PDCD11: variants seen among roughly 807,000 people sequenced by gnomAD.
PDCD11 encodes the protein protein RRP5 homolog.
A neutral mutation model predicts 198.9 loss-of-function variants in PDCD11; 97 were observed. The ratio of observed to expected loss-of-function variants is 0.49; its 90% confidence interval spans 0.41 to 0.58. The LOEUF (loss-of-function observed/expected upper bound fraction) is 0.58. Ranked by LOEUF, PDCD11 falls within the 20% of genes least tolerant of loss-of-function variation. The probability of loss-of-function intolerance (pLI) is 0.00; values close to 1 mark genes in which losing one functional copy is unlikely to be tolerated. For missense variants in PDCD11, 2,102 were observed against 2,312.7 expected (o/e 0.91, Z 1.87); for synonymous variants, 893 against 918.0 (o/e 0.97, Z 0.49).
chr10:103,444,377 G>T, intron 34 of PDCD11, 140 bp from the exon 35 acceptor site: 1 of 798,434 alleles, frequency 1.3e-6, no homozygotes, highest in East Asian at 2.6e-5. Flanking sequence ...CACCCCTTTT[G>T]GGTCTTTGTC....
intron 29 of PDCD11, 69 bp from the exon 30 acceptor site, chr10:103,440,665 G>C: frequency 8.1e-6 from 13 of 1,612,690 alleles, no homozygotes; most frequent in Non-Finnish European, 1.0e-5. Flanking sequence ...CACCCAGTGG[G>C]GCCGAGGGAG....
chr10:103,440,851 G>A lies in PDCD11; in HGVS notation c.4557+1G>A, dbSNP rs375869261. 2.5e-6 allele frequency: 4 copies of A among 1,603,916 alleles called. No homozygotes were observed. The highest frequency in any genetic ancestry group is 3.4e-6 in the Non-Finnish European group (4 of 1,173,272). On this transcript the variant is annotated splice_donor_variant, in intron 30 of 35. Coordinates refer to ENST00000369797, the MANE Select transcript of PDCD11 (RefSeq NM_014976.2). LOFTEE classifies it high-confidence loss of function. ...AGAAGAGACGAATGTGCTGCCCAAG[G>A]TGAGGGTGACGTCGCGGGGAGGGGA...
intron 1 of PDCD11, among the ~76,000 whole-genome samples, chr10:103,397,040 C>T (rs753794988): frequency 1.3e-5 from 2 of 152,076 alleles, no homozygotes; most frequent in African/African-American, 2.4e-5. Context: ...GAATCATATA[C>T]CCATCCCTGA....
rs185361732 is a variant in PDCD11, at chr10:103,435,003, C to T, written c.3845+28C>T. On this transcript the variant is annotated intron_variant, in intron 25 of 35. Coordinates refer to ENST00000369797, the MANE Select transcript of PDCD11 (RefSeq NM_014976.2). ...AAGCGAAGTGTTCTTCCTCTTTTCA[C>T]CTGTCTGTGGAATTGGTATATTTAA... 4 of 1,437,198 alleles carry T rather than the reference C, an allele frequency of 2.8e-6. No individual in the cohort carries two copies. The African/African-American group carries it at 4.4e-5, about 16-fold the overall frequency. The allele number at this position is 1,437,198 out of a possible 1,614,324, so 89.0% of individuals were successfully genotyped here.
intron 21 of PDCD11, among the ~76,000 whole-genome samples, chr10:103,430,601 A>G (rs1011581924): frequency 1.2e-4 from 17 of 136,760 alleles, no homozygotes; most frequent in East Asian, 2.1e-4. Flanking sequence ...AAAGGTTTCT[A>G]TTTCTCTACA....
In PDCD11 at chr10:103,434,956, G is replaced by T; in HGVS notation, c.3826G>T (p.Val1276Phe). The T allele has an allele frequency of 6.4e-7, 1 of 1,574,630 alleles. No homozygotes were observed. The highest frequency in any genetic ancestry group is 8.6e-7 in the Non-Finnish European group (1 of 1,159,656). ...CTCCGAGACGCCCCTGGAAGACTTC[G>T]TCCCCCAGAAGGTTGTCAGGTAAGC... ...SYSETPLEDFVPQKVVRCYIL... is the reference protein window; with the variant it reads ...SYSETPLEDFFPQKVVRCYIL... The change falls in exon 25 of 36, where the codon GTC (valine) becomes TTC (phenylalanine). Residue 1276 changes from valine to phenylalanine, a missense_variant. Physicochemically the swap from Val to Phe is conservative, Grantham distance 50. Coordinates refer to ENST00000369797, the MANE Select transcript of PDCD11 (RefSeq NM_014976.2).
intron 12 of PDCD11, 60 bp from the exon 13 acceptor site, chr10:103,416,431 C>T: frequency 6.3e-7 from 1 of 1,581,520 alleles, no homozygotes; most frequent in Non-Finnish European, 8.6e-7. Flanking sequence ...GTTGCAGAGA[C>T]CAGCTCAGTG....
At chr10:103,401,481 G>C (rs2030056031) in intron 3 of PDCD11, among the ~76,000 whole-genome samples, 1 of 152,094 alleles carries the variant, frequency 6.6e-6, no homozygotes, top group African/African-American at 2.4e-5. Context: ...ATGTTGGTCA[G>C]GCTGGTCTGG....
At chr10:103,409,086 T>A (rs2030637152) in intron 7 of PDCD11, among the ~76,000 whole-genome samples, 1 of 152,218 alleles carries the variant, frequency 6.6e-6, no homozygotes, top group African/African-American at 2.4e-5. Context: ...TAGAATTTAA[T>A]TGACATTTTC....
Position 103,416,604 on chromosome 10 carries a change from G to A in PDCD11, c.1632G>A (p.Gln544=). The A allele has an allele frequency of 6.2e-7, 1 of 1,614,198 alleles. No homozygotes were observed. The highest frequency in any genetic ancestry group is 8.5e-7 in the Non-Finnish European group (1 of 1,180,042). Residue 544 remains glutamine (Q), a synonymous_variant, in exon 13 of 36, where the codon CAG becomes CAA. Transcript: ENST00000369797. ...ATGCCGATGCCAAGCCTGGTCTGCA[G>A]ACACATGGCTTCATCATCAGGGTCA... ...TCYADAKPGL[Q]THGFIIRVKD...
In PDCD11 at chr10:103,431,219, G is replaced by A. The variant is rs574211808; in HGVS notation, c.3369-910G>A. Among the ~76,000 whole-genome samples the A allele has an allele frequency of 5.3e-5, 8 of 152,298 alleles. No individual in the cohort carries two copies. The South Asian group carries it at 1.7e-3, about 32-fold the overall frequency. ...TTTGAATTGGTAAGTAGGGGTGGCA[G>A]TTTTGTGATTCCTTTGAGGTGATTG... On this transcript the variant is annotated intron_variant, in intron 21 of 35. Transcript: ENST00000369797.
chr10:103,414,455 C>T, intron 11 of PDCD11, 125 bp downstream of exon 11: 1 of 665,266 alleles, frequency 1.5e-6, no homozygotes, highest in Non-Finnish European at 2.6e-6. Flanking sequence ...CTTGCTTCTG[C>T]CTGCTGACTA....
rs2031645243 is a variant in PDCD11, at chr10:103,425,367, C to T, written c.3147C>T (p.Thr1049=). ...VTGTVKSIKP[T]HVVVTLEDGI... Reference sequence around the variant, plus strand: ...GGACTGTCAAGTCCATTAAGCCTACCCATGTGGTTGTGACTCTGGAAGATG... The same window carrying T: ...GGACTGTCAAGTCCATTAAGCCTACTCATGTGGTTGTGACTCTGGAAGATG... Residue 1049 remains threonine (T), a synonymous_variant, in exon 20 of 36, where the codon ACC becomes ACT. Coordinates refer to ENST00000369797, the MANE Select transcript of PDCD11 (RefSeq NM_014976.2). 1 of 1,614,174 alleles carries T rather than the reference C, an allele frequency of 6.2e-7. No homozygotes were observed. The highest frequency in any genetic ancestry group is 8.5e-7 in the Non-Finnish European group (1 of 1,180,038).
chr10:103,431,967 T>C (rs1387750283), intron 21 of PDCD11, among the ~76,000 whole-genome samples, 162 bp from the exon 22 acceptor site: 1 of 150,420 alleles, frequency 6.6e-6, no homozygotes, highest in Non-Finnish European at 1.5e-5. Context: ...CTCGGGCCAG[T>C]ATTGTGGACA....
rs780651580 is a variant in PDCD11, at chr10:103,403,255, T to C, written c.372T>C (p.Asn124=). 1 of 1,614,134 alleles carries C rather than the reference T, an allele frequency of 6.2e-7. No homozygotes were observed. Among genetic ancestry groups the C allele is most frequent in the Non-Finnish European group, 8.5e-7 (1 of 1,180,012 alleles). The change falls in exon 4 of 36, where the codon AAT becomes AAC. Residue 124 remains asparagine (N), a synonymous_variant. Transcript: ENST00000369797. ...EICDAYTKKL[N]EQVTQEQPLK... ...GTGATGCCTACACCAAAAAGCTGAA[T>C]GAGCAGGTGACACAAGAACAACCTC...
intron 8 of PDCD11, among the ~76,000 whole-genome samples, chr10:103,410,471 A>ATT (rs2030729742): frequency 6.6e-6 from 1 of 152,140 alleles, no homozygotes; most frequent in South Asian, 2.1e-4. Context: ...GCAAAAGGTG[A>ATT]TTTTAAAAGT....
rs867675860 is a variant in PDCD11, at chr10:103,432,145, C to A, written c.3385C>A (p.His1129Asn). The change falls in exon 22 of 36, where the codon CAC (histidine) becomes AAC (asparagine). Residue 1129 changes from histidine to asparagine, a missense_variant. Coordinates refer to ENST00000369797, the MANE Select transcript of PDCD11 (RefSeq NM_014976.2). ...TGCAAACAGTGAGCTGGAGGATGGC[C>A]ACACTGCTCTTAACACTCACTCTGT... ...SVRPSELEDG[H>N]TALNTHSVSP... The A allele has an allele frequency of 6.2e-7, 1 of 1,613,392 alleles. No homozygotes were observed. Among genetic ancestry groups the A allele is most frequent in the Admixed American group, 1.7e-5 (1 of 60,008 alleles).
At chr10:103,434,770 C>T (rs756816723) in intron 24 of PDCD11, 28 bp from the exon 25 acceptor site, 3 of 1,585,772 alleles carry the variant, frequency 1.9e-6, no homozygotes, top group East Asian at 2.3e-5. Context: ...ATTTCCTCTT[C>T]CCTGAATCAG....
rs201957446 is a variant in PDCD11 at position 103,409,743 on chromosome 10, G to A, written c.915G>A (p.Thr305=). 1.7e-4 allele frequency: 278 copies of A among 1,613,836 alleles called. No individual in the cohort carries two copies. Among genetic ancestry groups the A allele is most frequent in the Non-Finnish European group, 2.0e-4 (240 of 1,179,962 alleles). Residue 305 remains threonine (T), a synonymous_variant, in exon 8 of 36, where the codon ACG becomes ACA. Coordinates refer to ENST00000369797, the MANE Select transcript of PDCD11 (RefSeq NM_014976.2). ...GLTLNFLTFF[T]GVVDFMHLDP... is the part of the protein sequence containing the mutation. ...CGCTAAACTTCCTCACATTCTTCAC[G>A]GGCGTGGTTGACTTTATGCACCTGG...
Sources: allele counts gnomAD v4.1 joint callset (sites outside exome capture counted in the v4.1 genomes callset), GRCh38; gene constraint gnomAD v4.1.1; transcripts MANE v1.5; gene names NCBI Gene and HGNC (gene_info 2026-07-23, HGNC 2026-07-21).